TMEM132D: variants seen among roughly 807,000 people sequenced by gnomAD.
The protein encoded by TMEM132D is transmembrane protein 132D, also known as mature OL transmembrane protein.
In TMEM132D, 21 loss-of-function variants were observed where a neutral mutation model predicts 62.3. The ratio of observed to expected loss-of-function variants is 0.34; its 90% CI spans 0.24 to 0.49. TMEM132D has a LOEUF of 0.49. Ranked by LOEUF, TMEM132D falls within the 20% of genes least tolerant of loss-of-function variation. The pLI is 0.99. For missense variants in TMEM132D, 1,346 were observed against 1,402.8 expected (o/e 0.96, Z 0.65); for synonymous variants, 621 against 575.6 (o/e 1.08, Z -1.13).
intron 4 of TMEM132D, among the ~76,000 whole-genome samples, chr12:129,254,428 G>A (rs894473482): frequency 1.3e-5 from 2 of 152,214 alleles, no homozygotes; most frequent in African/African-American, 4.8e-5. Flanking sequence ...TGGTTAAGCA[G>A]GAGGTTCAAG....
intron 3 of TMEM132D, among the ~76,000 whole-genome samples, chr12:129,455,397 T>A (rs886206997): frequency 8.5e-5 from 13 of 152,184 alleles, no homozygotes; most frequent in African/African-American, 3.1e-4. Context: ...TATATCGTGG[T>A]TTTGAACCAA....
intron 6 of TMEM132D, among the ~76,000 whole-genome samples, chr12:129,083,740 C>T (rs1165400262): frequency 3.9e-5 from 6 of 152,210 alleles, no homozygotes; most frequent in Admixed American, 3.9e-4. Flanking sequence ...ATACTTTTAG[C>T]AATCAACATG....
intron 2 of TMEM132D, among the ~76,000 whole-genome samples, chr12:129,597,743 T>C (rs750395249): frequency 6.6e-6 from 1 of 152,200 alleles, no homozygotes; most frequent in Non-Finnish European, 1.5e-5. Flanking sequence ...AAAGTGTAGG[T>C]ACATTGGTTG....
chr12:129,541,087 T>C (rs913117174), intron 2 of TMEM132D, among the ~76,000 whole-genome samples: 3 of 152,196 alleles, frequency 2.0e-5, no homozygotes, highest in African/African-American at 7.2e-5. Flanking sequence ...CTTACACTGA[T>C]AAGTTCCATG....
chr12:129,351,722 T>C lies in TMEM132D; in HGVS notation c.1116-13905A>G, dbSNP rs563667906. Among the ~76,000 whole-genome samples the C allele has an allele frequency of 4.6e-5, 7 of 152,358 alleles. No homozygotes were observed. The East Asian group carries it at 1.3e-3, about 29-fold the overall frequency. ...CTTGGAATGATTTTACTCATCGTGCTTTGCTGTTGTGGAATATATTGTGGT... is the reference window on the plus strand; with the variant it reads ...CTTGGAATGATTTTACTCATCGTGCCTTGCTGTTGTGGAATATATTGTGGT... On this transcript the variant is annotated intron_variant, in intron 3 of 8. Coordinates refer to ENST00000422113, the MANE Select transcript of TMEM132D (RefSeq NM_133448.3).
intron 5 of TMEM132D, among the ~76,000 whole-genome samples, chr12:129,115,634 G>T (rs1875870563): frequency 6.6e-6 from 1 of 152,194 alleles, no homozygotes; most frequent in Non-Finnish European, 1.5e-5. Context: ...AATAAAAAAG[G>T]ACAGGGATTG....
At chr12:129,511,855 G>T (rs536041135) in intron 3 of TMEM132D, among the ~76,000 whole-genome samples, 1 of 152,214 alleles carries the variant, frequency 6.6e-6, no homozygotes, top group African/African-American at 2.4e-5. Flanking sequence ...GCCAAGAAGG[G>T]AGAAGACATT....
intron 3 of TMEM132D, among the ~76,000 whole-genome samples, chr12:129,461,816 G>A (rs1873686241): frequency 1.3e-5 from 2 of 152,218 alleles, no homozygotes; most frequent in South Asian, 4.2e-4. Flanking sequence ...TAATCAGCAG[G>A]TACATAGATA....
chr12:129,497,091 T>C (rs962513357), intron 3 of TMEM132D, among the ~76,000 whole-genome samples: 1 of 152,132 alleles, frequency 6.6e-6, no homozygotes, highest in African/African-American at 2.4e-5. Flanking sequence ...GTGGATCACC[T>C]GAGGTCAGCA....
intron 3 of TMEM132D, among the ~76,000 whole-genome samples, chr12:129,398,486 C>G (rs1871498311): frequency 6.6e-6 from 1 of 152,160 alleles, no homozygotes; most frequent in African/African-American, 2.4e-5. Context: ...GCCTTTATAT[C>G]TCCTTGGGCA....
At chr12:129,408,911 G>C (rs997821705) in intron 3 of TMEM132D, among the ~76,000 whole-genome samples, 18 of 101,578 alleles carry the variant, frequency 1.8e-4, no homozygotes, top group Admixed American at 1.5e-3. Flanking sequence ...AGTTCTCTCT[G>C]TTTTTGTTTT....
intron 3 of TMEM132D, among the ~76,000 whole-genome samples, chr12:129,410,913 G>A (rs1327925955): frequency 6.6e-6 from 1 of 152,050 alleles, no homozygotes; most frequent in Non-Finnish European, 1.5e-5. Flanking sequence ...TAGCAGTTTT[G>A]TTGGACATTT....
At chr12:129,740,888 A>G (rs1869579931) in intron 1 of TMEM132D, among the ~76,000 whole-genome samples, 1 of 152,190 alleles carries the variant, frequency 6.6e-6, no homozygotes, top group South Asian at 2.1e-4. Flanking sequence ...TATCTCAAGG[A>G]TTTCCTGTAC....
At chr12:129,180,791 G>A (rs930182531) in intron 5 of TMEM132D, among the ~76,000 whole-genome samples, 3 of 152,132 alleles carry the variant, frequency 2.0e-5, no homozygotes, top group African/African-American at 7.2e-5. Flanking sequence ...TTCATCAGGA[G>A]TTGGCCTCTG....
intron 5 of TMEM132D, among the ~76,000 whole-genome samples, chr12:129,149,462 A>T (rs1234491061): frequency 6.6e-6 from 1 of 152,128 alleles, no homozygotes; most frequent in Admixed American, 6.5e-5. Context: ...GAACATGCAT[A>T]CCCCACATTT....
At chr12:129,196,142 A>G (rs1220899788) in intron 5 of TMEM132D, among the ~76,000 whole-genome samples, 1 of 152,172 alleles carries the variant, frequency 6.6e-6, no homozygotes, top group African/African-American at 2.4e-5. Flanking sequence ...AAGAAAAAAA[A>G]AAGAGTTTAT....
chr12:129,750,974 A>T (rs1004019470), intron 1 of TMEM132D, among the ~76,000 whole-genome samples: 1 of 152,232 alleles, frequency 6.6e-6, no homozygotes, highest in Admixed American at 6.5e-5. Flanking sequence ...TTAACAAAAA[A>T]GCCAAAAGTA....
intron 2 of TMEM132D, among the ~76,000 whole-genome samples, chr12:129,628,694 T>G (rs1024206140): frequency 6.6e-6 from 1 of 152,050 alleles, no homozygotes; most frequent in Non-Finnish European, 1.5e-5. Context: ...ACATGGTAAA[T>G]GTTACTAAGG....
rs185300443 is a variant in TMEM132D at position 129,861,863 on chromosome 12, G to A, written c.79+41398C>T. ...ATCACTACTGTAGAACCTAAGATTG[G>A]CCTTTTGAGATGTCCTTTCAGGCTT... On this transcript the variant is annotated intron_variant, in intron 1 of 8. Coordinates refer to ENST00000422113, the MANE Select transcript of TMEM132D (RefSeq NM_133448.3). Among the ~76,000 whole-genome samples, 3 of 151,832 alleles carry A rather than the reference G, an allele frequency of 2.0e-5. No homozygotes were observed. In the East Asian group the frequency reaches 5.8e-4, roughly 29 times the overall value.
Sources: allele counts gnomAD v4.1 joint callset (sites outside exome capture counted in the v4.1 genomes callset), GRCh38; gene constraint gnomAD v4.1.1; transcripts MANE v1.5; gene names NCBI Gene and HGNC (gene_info 2026-07-23, HGNC 2026-07-21).